Variants in STAC observed in about 807,000 individuals in gnomAD.
STAC encodes SH3 and cysteine rich domain.
Under a neutral mutation model 48.8 loss-of-function variants are expected in STAC, and 43 were observed. That is an observed-to-expected ratio of 0.88 (90% confidence interval 0.69 to 1.14). The LOEUF is 1.14. Among genes scored for constraint, STAC ranks in the 50% most tolerant of loss-of-function variants. The pLI is 0.00. For missense variants in STAC, 497 were observed against 504.0 expected, an observed-to-expected ratio of 0.99 and a Z score of 0.13; for synonymous variants, 193 against 179.5, an observed-to-expected ratio of 1.07 and a Z score of -0.60.
intron 2 of STAC, among the ~76,000 whole-genome samples, chr3:36,444,783 T>A (rs1414092621): frequency 7.1e-6 from 1 of 140,426 alleles, no homozygotes; most frequent in Non-Finnish European, 1.7e-5. Flanking sequence ...ATTACTGATC[T>A]TTTTTTGTTT....
intron 6 of STAC, among the ~76,000 whole-genome samples, chr3:36,503,864 A>G (rs1698336014): frequency 6.6e-6 from 1 of 152,238 alleles, no homozygotes; most frequent in African/African-American, 2.4e-5. Context: ...CAATGCACTG[A>G]CAATAAGAAA....
intron 10 of STAC, among the ~76,000 whole-genome samples, chr3:36,531,220 AT>A (rs1259671775): frequency 3.3e-5 from 5 of 152,154 alleles, no homozygotes; most frequent in Non-Finnish European, 7.3e-5. Context: ...CAGTAATTCC[AT>A]TTTCTGTAAT....
Position 36,380,630 on chromosome 3 carries a change from C to G in STAC, c.-14C>G, listed in dbSNP as rs764200202. On this transcript the variant is annotated 5_prime_UTR_variant, in exon 1 of 11. Coordinates refer to ENST00000273183, the MANE Select transcript of STAC (RefSeq NM_003149.3). ...GTTCCTCCGGGAGCCCAACACCGTT[C>G]CCGCGCGGCCACGATGATCCCTCCG... 1 of 1,567,724 alleles carries G rather than the reference C, an allele frequency of 6.4e-7. No homozygotes were observed. The highest frequency in any genetic ancestry group is 8.7e-7 in the Non-Finnish European group (1 of 1,154,140).
At chr3:36,502,419 C>A (rs1698302340) in intron 6 of STAC, among the ~76,000 whole-genome samples, 1 of 152,166 alleles carries the variant, frequency 6.6e-6, no homozygotes. Flanking sequence ...TTTCTTCTTG[C>A]AACCATACAT....
intron 2 of STAC, among the ~76,000 whole-genome samples, chr3:36,466,687 C>T (rs1247342638): frequency 6.6e-6 from 1 of 152,124 alleles, no homozygotes; most frequent in African/African-American, 2.4e-5. Flanking sequence ...GATTTGGGTA[C>T]ATTAGGTTTG....
intron 8 of STAC, among the ~76,000 whole-genome samples, chr3:36,513,276 C>T (rs1698586440): frequency 6.6e-6 from 1 of 152,224 alleles, no homozygotes; most frequent in Admixed American, 6.5e-5. Context: ...CAGAGCATCG[C>T]AGCTCTGCCC....
chr3:36,431,291 G>A (rs1245436031), intron 1 of STAC, among the ~76,000 whole-genome samples: 1 of 152,116 alleles, frequency 6.6e-6, no homozygotes, highest in Non-Finnish European at 1.5e-5. Context: ...GAAAACACCA[G>A]TGTGGTCCCT....
chr3:36,530,549 T>C (rs1453358163), intron 10 of STAC, among the ~76,000 whole-genome samples: 1 of 151,506 alleles, frequency 6.6e-6, no homozygotes, highest in Non-Finnish European at 1.5e-5. Context: ...AACTAACAAA[T>C]ATATCCTCAA....
intron 10 of STAC, among the ~76,000 whole-genome samples, chr3:36,542,829 ATC>A (rs1699360390): frequency 1.3e-5 from 2 of 152,348 alleles, no homozygotes; most frequent in South Asian, 4.2e-4. Context: ...GTACCCAGAA[ATC>A]TCTGTCAGGG....
At chr3:36,486,363 G>A (rs1697816532) in intron 5 of STAC, 114 bp downstream of exon 5, 2 of 856,126 alleles carry the variant, frequency 2.3e-6, no homozygotes, top group Non-Finnish European at 3.5e-6. Context: ...AGGTCTGCAG[G>A]GAGTCAGGCA....
rs1048947611 is a variant in STAC, at chr3:36,443,439, C to A, written c.187C>A (p.Arg63=). 1 of 1,614,218 alleles carries A rather than the reference C, an allele frequency of 6.2e-7. No individual in the cohort carries two copies. The highest frequency in any genetic ancestry group is 8.5e-7 in the Non-Finnish European group (1 of 1,180,032). Residue 63 remains arginine, a synonymous_variant, in exon 2 of 11, where the codon CGA becomes AGA. Coordinates refer to ENST00000273183, the MANE Select transcript of STAC (RefSeq NM_003149.3). The surrounding 1 kb of genome is among the most constrained non-coding windows in gnomAD (Gnocchi z 4.2). The part of the protein sequence containing the change: ...RSKSADNFFQ[R]TNSEDMKLQA... ...CAAAAGTGCTGACAACTTCTTCCAG[C>A]GAACCAACAGCGAAGACATGAAACT...
intron 6 of STAC, among the ~76,000 whole-genome samples, chr3:36,498,326 C>T (rs1425131028): frequency 6.6e-6 from 1 of 151,800 alleles, no homozygotes; most frequent in Non-Finnish European, 1.5e-5. Flanking sequence ...AGAATTAGTT[C>T]CCTAAAATAT....
intron 1 of STAC, among the ~76,000 whole-genome samples, chr3:36,430,973 A>T (rs996010723): frequency 3.3e-5 from 5 of 152,188 alleles, no homozygotes; most frequent in Non-Finnish European, 7.3e-5. Flanking sequence ...AGGCATCAAC[A>T]TAAGAATTTG....
chr3:36,438,861 G>A (rs1696232732), intron 1 of STAC, among the ~76,000 whole-genome samples: 1 of 152,178 alleles, frequency 6.6e-6, no homozygotes, highest in Admixed American at 6.5e-5. Flanking sequence ...CACTTTCCCT[G>A]TCCTGGCAGC....
At position 36,383,784 on chromosome 3, in the gene STAC, T is replaced by C. The variant is rs1245369528; in HGVS notation, c.111+3030T>C. 4.6e-5 allele frequency among the ~76,000 whole-genome samples: 7 copies of C among 152,342 alleles called. No homozygotes were observed. The South Asian group carries it at 1.2e-3, about 27-fold the overall frequency. ...TTATCTCAGGTTCACAAAGGGTCTA[T>C]AGCTTCAAAGGTTATCTTAATGTCC... On this transcript the variant is annotated intron_variant, in intron 1 of 10. Coordinates refer to ENST00000273183, the MANE Select transcript of STAC (RefSeq NM_003149.3).
intron 1 of STAC, among the ~76,000 whole-genome samples, chr3:36,394,670 G>A (rs1292438425): frequency 6.6e-6 from 1 of 152,114 alleles, no homozygotes; most frequent in Non-Finnish European, 1.5e-5. Flanking sequence ...GCTGAGGCAT[G>A]TGGATCACCT....
chr3:36,452,419 G>A (rs1251789616), intron 2 of STAC, among the ~76,000 whole-genome samples: 1 of 152,138 alleles, frequency 6.6e-6, no homozygotes, highest in African/African-American at 2.4e-5. Flanking sequence ...CACATAGACT[G>A]GCACATCGCA....
chr3:36,398,710 G>T (rs529766784), intron 1 of STAC, among the ~76,000 whole-genome samples: 20 of 151,654 alleles, frequency 1.3e-4, no homozygotes, highest in Non-Finnish European at 2.8e-4. Flanking sequence ...AAGAAAGAAA[G>T]AGAGAAAGAA....
At chr3:36,519,676 G>A (rs150478182) in intron 8 of STAC, among the ~76,000 whole-genome samples, 16 of 152,234 alleles carry the variant, frequency 1.1e-4, no homozygotes, top group East Asian at 3.9e-4. Context: ...AAGTCACTCC[G>A]GTTAAAGGAT....
Sources: gnomAD v4.1 joint callset for allele counts (sites outside exome capture counted in the v4.1 genomes callset) on GRCh38, gnomAD v4.1.1 for gene constraint, Gnocchi (gnomAD v3.1) non-coding constraint, MANE v1.5 for transcripts, NCBI Gene and HGNC (gene_info 2026-07-23, HGNC 2026-07-21) for gene names.